The following PDE4D variants were observed in gnomAD, a reference collection of about 807,000 sequenced individuals.
PDE4D encodes the protein 3',5'-cyclic-AMP phosphodiesterase 4D.
Under a neutral mutation model 87.4 loss-of-function variants are expected in PDE4D, and 24 were observed. That is an observed-to-expected ratio of 0.27 (90% CI 0.20 to 0.39). The LOEUF (loss-of-function observed/expected upper bound fraction) is 0.39, where lower values mean the gene tolerates loss of function less well. PDE4D is among the 10% of genes least tolerant of loss of function. The pLI, the probability that PDE4D is intolerant of heterozygous loss-of-function variation, is 1.00. For synonymous variants in PDE4D, 384 were observed against 383.2 expected (o/e 1.00, Z -0.02); for missense variants, 714 against 1,041.0 (o/e 0.69, Z 4.32).
At position 59,826,900 on chromosome 5, in the gene PDE4D, A is replaced by G. The variant is rs531550090; in HGVS notation, c.455+66268T>C. Among the ~76,000 whole-genome samples the G allele has an allele frequency of 3.9e-5, 6 of 152,198 alleles. No homozygotes were observed. The East Asian group carries it at 7.8e-4, about 20-fold the overall frequency. ...TATCTCTAAGAGCTCTTCCTGACAC[A>G]CTGTGAAGAGTTACCATTGAACAGG... is the stretch of plus-strand genomic sequence containing the variant. On this transcript the variant is annotated intron_variant, in intron 1 of 14. Transcript: ENST00000340635.
chr5:60,257,973 C>A (rs1749273054), intron 1 of PDE4D, among the ~76,000 whole-genome samples: 1 of 152,042 alleles, frequency 6.6e-6, no homozygotes, highest in South Asian at 2.1e-4. Flanking sequence ...ACAGCCCCAA[C>A]GTACCAGCAA....
At chr5:59,579,636 G>A (rs1583203636) in intron 1 of PDE4D, among the ~76,000 whole-genome samples, 1 of 152,186 alleles carries the variant, frequency 6.6e-6, no homozygotes, top group Non-Finnish European at 1.5e-5. Context: ...CAGGGCCAGA[G>A]ATAGGCAGTT....
intron 1 of PDE4D, among the ~76,000 whole-genome samples, chr5:59,501,690 TA>T (rs753865714): frequency 6.6e-6 from 1 of 152,058 alleles, no homozygotes; most frequent in South Asian, 2.1e-4. Flanking sequence ...GGAAAAAGCT[TA>T]AAAAATATTC....
chr5:59,572,823 A>T (rs1157834330), intron 1 of PDE4D, among the ~76,000 whole-genome samples: 4 of 152,214 alleles, frequency 2.6e-5, no homozygotes, highest in Non-Finnish European at 5.9e-5. Context: ...TACAATTTTC[A>T]AAGAACTTTC....
At chr5:60,377,539 C>A (rs1345782) in intron 1 of PDE4D, among the ~76,000 whole-genome samples, 18,554 of 152,098 alleles carry the variant, frequency 0.12, 1,569 homozygotes, top group African/African-American at 0.24. Context: ...ACTCAGGCCT[C>A]GATAAGAAAC....
At chr5:59,998,416 G>T (rs1393346133) in intron 2 of PDE4D, among the ~76,000 whole-genome samples, 3 of 152,016 alleles carry the variant, frequency 2.0e-5, no homozygotes, top group Admixed American at 6.6e-5. Context: ...TATGCAAAAG[G>T]CTTTTATTTA....
chr5:59,508,347 A>C (rs1809646460), intron 1 of PDE4D, among the ~76,000 whole-genome samples: 1 of 152,152 alleles, frequency 6.6e-6, no homozygotes, highest in African/African-American at 2.4e-5. Flanking sequence ...TCTAATCACA[A>C]GTGTATACTT....
At chr5:59,157,700 G>A (rs1190610287) in intron 5 of PDE4D, among the ~76,000 whole-genome samples, 3 of 152,176 alleles carry the variant, frequency 2.0e-5, no homozygotes, top group Non-Finnish European at 4.4e-5. Context: ...AACAGTTGAA[G>A]AGAGGAGACT....
intron 2 of PDE4D, among the ~76,000 whole-genome samples, chr5:60,166,235 C>G (rs971508108): frequency 2.0e-5 from 3 of 152,192 alleles, no homozygotes; most frequent in African/African-American, 7.2e-5. Context: ...GCTGGGACTA[C>G]AGGCGCCCGC....
intron 2 of PDE4D, among the ~76,000 whole-genome samples, chr5:60,169,791 C>CAGAGACAGAGTCTTAAAA (rs1326543971): frequency 1.3e-5 from 2 of 152,008 alleles, no homozygotes; most frequent in African/African-American, 4.8e-5. Flanking sequence ...TTTATTACTG[C>CAGAGACAGAGTCTTAAAA]AGAGACAGAG....
At chr5:59,449,629 T>G (rs907562936) in intron 1 of PDE4D, among the ~76,000 whole-genome samples, 1 of 152,190 alleles carries the variant, frequency 6.6e-6, no homozygotes, top group Admixed American at 6.5e-5. Flanking sequence ...ATGATTTTAG[T>G]TTAGGAACCA....
intron 1 of PDE4D, among the ~76,000 whole-genome samples, chr5:60,282,608 C>G (rs1752049063): frequency 6.6e-6 from 1 of 152,112 alleles, no homozygotes; most frequent in South Asian, 2.1e-4. Context: ...TTTATAAAGA[C>G]ACGTTTTGTT....
intron 1 of PDE4D, among the ~76,000 whole-genome samples, chr5:59,670,621 A>AC (rs910535925): frequency 2.6e-5 from 4 of 152,326 alleles, no homozygotes; most frequent in South Asian, 2.1e-4. Flanking sequence ...TCCAAAAAAA[A>AC]AATTCAAAGG....
At chr5:59,284,054 C>T (rs1477944899) in intron 1 of PDE4D, among the ~76,000 whole-genome samples, 3 of 152,158 alleles carry the variant, frequency 2.0e-5, no homozygotes, top group African/African-American at 7.2e-5. Flanking sequence ...AATCTGCAAT[C>T]CCTTGCTCTT....
chr5:60,089,433 T>G (rs1392477174), intron 2 of PDE4D, among the ~76,000 whole-genome samples: 1 of 151,906 alleles, frequency 6.6e-6, no homozygotes, highest in East Asian at 1.9e-4. Context: ...AACATGCTAC[T>G]GAAAAACAAA....
intron 1 of PDE4D, among the ~76,000 whole-genome samples, chr5:59,593,319 CAAAA>C (rs35227171): frequency 1.8e-5 from 2 of 112,354 alleles, no homozygotes; most frequent in Non-Finnish European, 3.8e-5. Context: ...TAATGGCTCT[CAAAA>C]AAAAAAAAAA....
chr5:59,121,413 AAAG>A (rs1157220614), intron 5 of PDE4D, among the ~76,000 whole-genome samples: 1 of 152,222 alleles, frequency 6.6e-6, no homozygotes, highest in Admixed American at 6.5e-5. Flanking sequence ...GCATTTCTCA[AAAG>A]AAGACATACA....
chr5:60,493,415 T>C (rs1474402092), intron 1 of PDE4D, among the ~76,000 whole-genome samples: 3 of 152,238 alleles, frequency 2.0e-5, no homozygotes, highest in African/African-American at 4.8e-5. Flanking sequence ...ATATGAGCTA[T>C]GTTGAAGCGA....
At chr5:59,768,089 A>G (rs1315175588) in intron 1 of PDE4D, among the ~76,000 whole-genome samples, 1 of 152,102 alleles carries the variant, frequency 6.6e-6, no homozygotes, top group Non-Finnish European at 1.5e-5. Flanking sequence ...TGACTTGGAC[A>G]TTTGTGGGAT....
Sources: gnomAD v4.1 joint callset for allele counts (sites outside exome capture counted in the v4.1 genomes callset) on GRCh38, gnomAD v4.1.1 for gene constraint, MANE v1.5 for transcripts, NCBI Gene and HGNC (gene_info 2026-07-23, HGNC 2026-07-21) for gene names.